ZFHX3: variants seen among roughly 807,000 people sequenced by gnomAD.
ZFHX3 encodes the protein zinc finger homeobox 3, also known as zinc finger homeobox protein 3.
A neutral mutation model predicts 279.1 loss-of-function variants in ZFHX3; 42 were observed. The ratio of observed to expected loss-of-function variants is 0.15; its 90% CI spans 0.12 to 0.19. ZFHX3 has a LOEUF of 0.19. Ranked by LOEUF, ZFHX3 falls within the 10% of genes least tolerant of loss-of-function variation. The probability of loss-of-function intolerance (pLI) is 1.00; values close to 1 mark genes in which losing one functional copy is unlikely to be tolerated. For missense variants in ZFHX3, 4,981 were observed against 4,754.0 expected, an observed-to-expected ratio of 1.05 and a Z score of -1.40; for synonymous variants, 2,293 against 1,957.8, an observed-to-expected ratio of 1.17 and a Z score of -4.52.
At chr16:73,021,187 G>A (rs1964285244) in intron 1 of ZFHX3, among the ~76,000 whole-genome samples, 1 of 152,198 alleles carries the variant, frequency 6.6e-6, no homozygotes. Flanking sequence ...TCAATAAAAG[G>A]AAAGACTGAA....
At chr16:73,754,608 T>A (rs1338886114) in intron 1 of ZFHX3, among the ~76,000 whole-genome samples, 2 of 152,230 alleles carry the variant, frequency 1.3e-5, no homozygotes, top group African/African-American at 4.8e-5. Flanking sequence ...AACAAATGTT[T>A]CCTACATCCC....
intron 2 of ZFHX3, among the ~76,000 whole-genome samples, chr16:73,598,545 G>C (rs1186609632): frequency 6.6e-6 from 1 of 150,534 alleles, no homozygotes; most frequent in Non-Finnish European, 1.5e-5. Context: ...ACCCTCCTGA[G>C]TAGCTAGGAC....
intron 2 of ZFHX3, among the ~76,000 whole-genome samples, chr16:73,473,358 CAAAAAA>C (rs1300049292): frequency 3.2e-4 from 14 of 43,162 alleles, no homozygotes; most frequent in African/African-American, 9.4e-4. Context: ...AAAAAAAAAA[CAAAAAA>C]AAAAAAAACA....
intron 1 of ZFHX3, among the ~76,000 whole-genome samples, chr16:72,989,176 A>AT (rs1962968187): frequency 6.8e-6 from 1 of 146,228 alleles, no homozygotes. Flanking sequence ...GCTGTCTCAA[A>AT]TTAAAAAAAA....
At chr16:73,643,330 G>C (rs1407305520) in intron 2 of ZFHX3, among the ~76,000 whole-genome samples, 19 of 152,142 alleles carry the variant, frequency 1.2e-4, no homozygotes, top group Admixed American at 1.2e-3. Flanking sequence ...CTTTTCTGGA[G>C]ATATTTTTAA....
chr16:73,359,687 T>A (rs1393117930), intron 3 of ZFHX3, among the ~76,000 whole-genome samples: 1 of 152,164 alleles, frequency 6.6e-6, no homozygotes, highest in Non-Finnish European at 1.5e-5. Flanking sequence ...GGAGCTATCT[T>A]CTCTCTGGAA....
At chr16:73,813,556 G>A (rs143884755) in intron 1 of ZFHX3, among the ~76,000 whole-genome samples, 9 of 152,140 alleles carry the variant, frequency 5.9e-5, no homozygotes, top group Admixed American at 6.5e-5. Context: ...AGTGGGCATT[G>A]CATACCCCTT....
chr16:72,912,145 G>A (rs1328078366), intron 3 of ZFHX3, among the ~76,000 whole-genome samples: 1 of 152,212 alleles, frequency 6.6e-6, no homozygotes, highest in African/African-American at 2.4e-5. Flanking sequence ...CAGCCCAGAC[G>A]CTGGCTGAAG....
intron 8 of ZFHX3, among the ~76,000 whole-genome samples, chr16:73,069,817 G>A (rs954551272): frequency 2.6e-5 from 4 of 152,120 alleles, no homozygotes; most frequent in Non-Finnish European, 4.4e-5. Flanking sequence ...GAAAATAACT[G>A]GTCATAATGG....
chr16:73,583,907 A>G (rs1234895152), intron 2 of ZFHX3, among the ~76,000 whole-genome samples: 2 of 152,222 alleles, frequency 1.3e-5, no homozygotes, highest in East Asian at 1.9e-4. Context: ...AACACTATAT[A>G]AGAAATAATA....
chr16:73,684,280 G>T (rs149578019), intron 1 of ZFHX3, among the ~76,000 whole-genome samples: 1 of 151,944 alleles, frequency 6.6e-6, no homozygotes, highest in Admixed American at 6.6e-5. Flanking sequence ...CTGCTCTAGG[G>T]GTCCATTATT....
chr16:73,414,208 G>C (rs1003833520), intron 3 of ZFHX3, among the ~76,000 whole-genome samples: 1 of 152,138 alleles, frequency 6.6e-6, no homozygotes, highest in African/African-American at 2.4e-5. Context: ...GTTACCTCTA[G>C]CTCCAACCAT....
intron 1 of ZFHX3, among the ~76,000 whole-genome samples, chr16:73,837,732 G>T (rs572584461): frequency 6.6e-6 from 1 of 152,160 alleles, no homozygotes; most frequent in African/African-American, 2.4e-5. Flanking sequence ...TCCTTTCCGC[G>T]TTCAAGCGAT....
At chr16:73,747,816 T>C (rs1484881708) in intron 1 of ZFHX3, among the ~76,000 whole-genome samples, 1 of 152,136 alleles carries the variant, frequency 6.6e-6, no homozygotes, top group Non-Finnish European at 1.5e-5. Flanking sequence ...ACATGTCCCA[T>C]AGTATTTTTC....
chr16:73,351,424 G>A (rs958617615), intron 3 of ZFHX3, among the ~76,000 whole-genome samples: 27 of 152,276 alleles, frequency 1.8e-4, no homozygotes, highest in African/African-American at 3.8e-4. Context: ...AGTTCACGGC[G>A]GCCCCTGCAT....
chr16:73,873,324 G>C (rs1413485717), intron 1 of ZFHX3, among the ~76,000 whole-genome samples: 3 of 151,144 alleles, frequency 2.0e-5, no homozygotes, highest in Non-Finnish European at 3.0e-5. Flanking sequence ...GTAGTGGGTG[G>C]TGGTGACCAA....
rs76400927 is a variant in ZFHX3 at position 72,834,900 on chromosome 16, G to A, written c.3449-5041C>T. On this transcript the variant is annotated intron_variant, in intron 4 of 9. Coordinates refer to ENST00000268489, the MANE Select transcript of ZFHX3 (RefSeq NM_006885.4). ...CTACGAATCACTTATAAGCTTGAAG[G>A]AAGGGGAGTCAATCAATGATTAAGA... 9.5e-3 allele frequency among the ~76,000 whole-genome samples: 1,443 copies of A among 152,290 alleles called. 11 individuals carry two copies. The highest frequency in any genetic ancestry group is 0.031 in the African/African-American group (1,307 of 41,576).
At chr16:72,866,193 CAG>C (rs1163142989) in intron 4 of ZFHX3, among the ~76,000 whole-genome samples, 15 of 152,154 alleles carry the variant, frequency 9.9e-5, no homozygotes, top group Non-Finnish European at 2.2e-4. Flanking sequence ...GGCAGATACA[CAG>C]AGAGGGAGAG....
chr16:72,940,264 C>T (rs1349085352), intron 3 of ZFHX3, among the ~76,000 whole-genome samples: 2 of 152,144 alleles, frequency 1.3e-5, no homozygotes. Context: ...CAAAATCCTA[C>T]TTCAATGGCC....
Sources: gnomAD v4.1 joint callset for allele counts (sites outside exome capture counted in the v4.1 genomes callset) on GRCh38, gnomAD v4.1.1 for gene constraint, MANE v1.5 for transcripts, NCBI Gene and HGNC (gene_info 2026-07-23, HGNC 2026-07-21) for gene names.